CAB39L: variants seen among roughly 807,000 people sequenced by gnomAD.
CAB39L encodes calcium binding protein 39 like.
Under a neutral mutation model 39.1 loss-of-function variants are expected in CAB39L, and 23 were observed. The observed-to-expected ratio is 0.59, with a 90% CI of 0.42 to 0.83. The LOEUF is 0.83. CAB39L is among the 40% of genes least tolerant of loss of function. The pLI, the probability that CAB39L is intolerant of heterozygous loss-of-function variation, is 0.00. For missense variants in CAB39L, 366 were observed against 391.9 expected, an observed-to-expected ratio of 0.93 and a Z score of 0.56; for synonymous variants, 126 against 137.2, an observed-to-expected ratio of 0.92 and a Z score of 0.57.
At chr13:49,336,383 A>G (rs1326285471) in intron 9 of CAB39L, among the ~76,000 whole-genome samples, 1 of 152,188 alleles carries the variant, frequency 6.6e-6, no homozygotes, top group African/African-American at 2.4e-5. Context: ...TGGTTTTACC[A>G]TGCTATAAAT....
At chr13:49,383,009 G>C in intron 3 of CAB39L, 68 bp from the exon 4 acceptor site, 1 of 605,880 alleles carries the variant, frequency 1.7e-6, no homozygotes, top group South Asian at 2.1e-5. Context: ...TTATACCAAT[G>C]TCTTATAAGT....
At chr13:49,323,282 C>A (rs530019368) in intron 10 of CAB39L, among the ~76,000 whole-genome samples, 6 of 152,182 alleles carry the variant, frequency 3.9e-5, no homozygotes, top group Non-Finnish European at 8.8e-5. Context: ...GCATCAGGGG[C>A]CTTCACTCTG....
chr13:49,331,282 G>A (rs945990714), intron 10 of CAB39L, among the ~76,000 whole-genome samples: 5 of 151,806 alleles, frequency 3.3e-5, no homozygotes, highest in African/African-American at 4.8e-5. Flanking sequence ...TGGCTAACAC[G>A]GTGAAAATCG....
At chr13:49,333,569 T>C (rs1445125403) in intron 9 of CAB39L, among the ~76,000 whole-genome samples, 1 of 54,292 alleles carries the variant, frequency 1.8e-5, no homozygotes, top group East Asian at 2.5e-4. Context: ...TCTTTCTTTC[T>C]TTTTTTTTTT....
chr13:49,368,466 C>T (rs889183475), intron 5 of CAB39L, among the ~76,000 whole-genome samples: 8 of 152,080 alleles, frequency 5.3e-5, no homozygotes, highest in African/African-American at 1.9e-4. Flanking sequence ...GGAGTGAAAC[C>T]TTAACTATTT....
chr13:49,350,759 G>A lies in CAB39L; in HGVS notation c.549C>T (p.Ala183=). Residue 183 remains alanine, a synonymous_variant, in exon 7 of 11, where the codon GCC becomes GCT. Transcript: ENST00000409308. ...AAAAAATTACCTTGAAAGTAGCAAA[G>A]GCATCTGAAGCAATATCAAATGTTG... ...ELSTFDIASD[A]FATFKDLLTR... 1 of 1,560,538 alleles carries A rather than the reference G, an allele frequency of 6.4e-7. No individual in the cohort carries two copies. Among genetic ancestry groups the A allele is most frequent in the Non-Finnish European group, 8.7e-7 (1 of 1,152,070 alleles).
intron 3 of CAB39L, among the ~76,000 whole-genome samples, chr13:49,416,718 C>T (rs7985917): frequency 0.54 from 82,281 of 151,476 alleles, 22,408 homozygotes; most frequent in South Asian, 0.64. Context: ...ATGGAAATAA[C>T]ATACCTATGT....
intron 9 of CAB39L, among the ~76,000 whole-genome samples, chr13:49,337,460 C>T (rs1180174504): frequency 1.3e-5 from 2 of 152,156 alleles, no homozygotes; most frequent in African/African-American, 4.8e-5. Flanking sequence ...CCCACCTCCC[C>T]CTGGCCACAT....
chr13:49,362,057 T>C (rs947244828), intron 5 of CAB39L, among the ~76,000 whole-genome samples: 19 of 151,850 alleles, frequency 1.3e-4, no homozygotes, highest in African/African-American at 3.9e-4. Flanking sequence ...ATACATATTA[T>C]AAAAAAGAAA....
chr13:49,417,473 T>C (rs545358909), intron 3 of CAB39L, among the ~76,000 whole-genome samples: 18 of 152,276 alleles, frequency 1.2e-4, no homozygotes, highest in African/African-American at 4.3e-4. Context: ...CTGTACCAGA[T>C]AGAAATTACA....
intron 3 of CAB39L, among the ~76,000 whole-genome samples, chr13:49,405,761 C>T (rs9634828): frequency 1.6e-4 from 7 of 44,704 alleles, no homozygotes; most frequent in South Asian, 6.5e-4. Flanking sequence ...GAGGGAGGGA[C>T]GGAGGGACAG....
chr13:49,361,067 T>C (rs1322448502), intron 5 of CAB39L, among the ~76,000 whole-genome samples: 1 of 152,178 alleles, frequency 6.6e-6, no homozygotes, highest in Non-Finnish European at 1.5e-5. Context: ...TTGCTTCAGT[T>C]ACTGTCTCCA....
Position 49,310,786 on chromosome 13 carries a change from C to A in CAB39L, c.*28G>T, listed in dbSNP as rs1388761091. The A allele has an allele frequency of 2.5e-6, 4 of 1,607,638 alleles. No homozygotes were observed. Among genetic ancestry groups the A allele is most frequent in the Non-Finnish European group, 3.4e-6 (4 of 1,176,202 alleles). On this transcript the variant is annotated 3_prime_UTR_variant, in exon 11 of 11. Transcript: ENST00000409308. Reference sequence around the variant, plus strand: ...TGTACAAACTGGACAAATGAGACGACTGACTGTGACAGGGGCCGGGGAGCT... The same window carrying A: ...TGTACAAACTGGACAAATGAGACGAATGACTGTGACAGGGGCCGGGGAGCT...
At chr13:49,328,648 C>T (rs1954574131) in intron 10 of CAB39L, among the ~76,000 whole-genome samples, 1 of 152,010 alleles carries the variant, frequency 6.6e-6, no homozygotes, top group Non-Finnish European at 1.5e-5. Flanking sequence ...CTAGGTAAAA[C>T]AGCGAGACCT....
rs187364479 is a variant in CAB39L, at chr13:49,381,116, C to T, written c.111+1684G>A. On this transcript the variant is annotated intron_variant, in intron 4 of 10. Coordinates refer to ENST00000409308, the MANE Select transcript of CAB39L (RefSeq NM_001079670.3). ...CTAATTTTTGTATTTTTAGTAGAGG[C>T]GGGGTTTCACCATGTTGGCCAGGCT... 2.6e-3 allele frequency among the ~76,000 whole-genome samples: 402 copies of T among 152,168 alleles called. 1 individual carries two copies. Among genetic ancestry groups the T allele is most frequent in the Admixed American group, 4.3e-3 (66 of 15,282 alleles).
At chr13:49,443,941 G>A (rs1051405763) in intron 1 of CAB39L, 45 bp downstream of exon 1, 22 of 456,602 alleles carry the variant, frequency 4.8e-5, no homozygotes, top group Admixed American at 9.4e-5. Flanking sequence ...CAACCCCCAA[G>A]AAGCCCAGTC....
chr13:49,382,641 A>C, intron 4 of CAB39L, 159 bp downstream of exon 4: 1 of 567,702 alleles, frequency 1.8e-6, no homozygotes, highest in Non-Finnish European at 3.1e-6. Context: ...ACTAAATAAT[A>C]ATCAGTTGCA....
intron 3 of CAB39L, among the ~76,000 whole-genome samples, chr13:49,390,358 C>G (rs1368186626): frequency 6.6e-6 from 1 of 152,196 alleles, no homozygotes; most frequent in Non-Finnish European, 1.5e-5. Flanking sequence ...GTGATCCTCC[C>G]ACCTCAGCCT....
intron 3 of CAB39L, among the ~76,000 whole-genome samples, chr13:49,385,162 T>C (rs577973563): frequency 7.9e-5 from 12 of 152,366 alleles, no homozygotes; most frequent in African/African-American, 2.6e-4. Flanking sequence ...CTAGATCTTC[T>C]GGATAACTTG....
Sources: allele counts gnomAD v4.1 joint callset (sites outside exome capture counted in the v4.1 genomes callset), GRCh38; gene constraint gnomAD v4.1.1; transcripts MANE v1.5; gene names NCBI Gene and HGNC (gene_info 2026-07-23, HGNC 2026-07-21).